Variants in KPNA4 observed in about 807,000 individuals in gnomAD.
KPNA4 encodes the protein karyopherin subunit alpha 4, also known as importin subunit alpha-3.
A neutral mutation model predicts 71.3 loss-of-function variants in KPNA4; 13 were observed. The observed-to-expected ratio is 0.18, with a 90% CI of 0.12 to 0.29. The LOEUF (loss-of-function observed/expected upper bound fraction) is 0.29, where lower values mean the gene tolerates loss of function less well. KPNA4 is among the 10% of genes least tolerant of loss of function. KPNA4 has a pLI of 1.00. For missense variants in KPNA4, 334 were observed against 603.2 expected, an observed-to-expected ratio of 0.55 and a Z score of 4.67; for synonymous variants, 189 against 195.2, an observed-to-expected ratio of 0.97 and a Z score of 0.26.
intron 1 of KPNA4, among the ~76,000 whole-genome samples, chr3:160,548,769 C>CT (rs768147228): frequency 9.9e-5 from 15 of 152,262 alleles, no homozygotes; most frequent in Admixed American, 9.8e-4. Context: ...GTACAAGTAT[C>CT]TTAGTTCCCG....
At chr3:160,565,072 G>A (rs560123191) in intron 1 of KPNA4, 142 bp downstream of exon 1, 1 of 654,628 alleles carries the variant, frequency 1.5e-6, no homozygotes, top group East Asian at 2.9e-5. Context: ...GCTAGCAGAG[G>A]CGTCACAGAC....
intron 1 of KPNA4, among the ~76,000 whole-genome samples, chr3:160,552,802 T>C (rs1004612401): frequency 6.6e-6 from 1 of 152,002 alleles, no homozygotes; most frequent in Non-Finnish European, 1.5e-5. Context: ...ACCACTAATG[T>C]GTTAGTGGAA....
Position 160,515,539 on chromosome 3 carries a change from A to T in KPNA4, c.945T>A (p.Thr315=), listed in dbSNP as rs1386218933. Residue 315 remains threonine, a synonymous_variant, in exon 12 of 17, where the codon ACT becomes ACA. Transcript: ENST00000334256. Reference sequence around the variant, plus strand: ...TCAAAACTACTTGTGTTTGCTCATCAGTTCCAGTAACAATGTTGCCCACAG... The same window carrying T: ...TCAAAACTACTTGTGTTTGCTCATCTGTTCCAGTAACAATGTTGCCCACAG... ...LRAVGNIVTG[T]DEQTQVVLNC... is the part of the protein sequence containing the mutation. The T allele has an allele frequency of 6.2e-7, 1 of 1,613,880 alleles. No individual in the cohort carries two copies. The highest frequency in any genetic ancestry group is 8.5e-7 in the Non-Finnish European group (1 of 1,179,788).
chr3:160,507,165 C>T (rs1441540102), intron 15 of KPNA4, among the ~76,000 whole-genome samples: 1 of 151,806 alleles, frequency 6.6e-6, no homozygotes, highest in Admixed American at 6.6e-5. Context: ...AAACTATTGC[C>T]CTAAAGAATA....
rs138936734 is a variant in KPNA4, at chr3:160,546,871, A to G, written c.70-10031T>C. 2.9e-3 allele frequency among the ~76,000 whole-genome samples: 445 copies of G among 152,274 alleles called. 1 individual carries two copies. The highest frequency in any genetic ancestry group is 5.4e-3 in the Non-Finnish European group (364 of 68,024). Reference sequence around the variant, plus strand: ...GAACTGAATAAGTTACAAAACTAAAACTGAGCCCTGGTATCTACAAAACAT... The same window carrying G: ...GAACTGAATAAGTTACAAAACTAAAGCTGAGCCCTGGTATCTACAAAACAT... On this transcript the variant is annotated intron_variant, in intron 1 of 16. Transcript: ENST00000334256.
At chr3:160,518,240 G>A (rs908454391) in intron 11 of KPNA4, among the ~76,000 whole-genome samples, 28 of 151,058 alleles carry the variant, frequency 1.9e-4, no homozygotes, top group Non-Finnish European at 3.5e-4. Context: ...CCATTCTCCT[G>A]CCTCAGCCTC....
At position 160,498,204 on chromosome 3, in the gene KPNA4, T is replaced by C. The variant is rs1441537959; in HGVS notation, c.*3900A>G. 1 of 152,148 alleles carries C rather than the reference T, an allele frequency of 6.6e-6. No individual in the cohort carries two copies. Among genetic ancestry groups the C allele is most frequent in the East Asian group, 1.9e-4 (1 of 5,192 alleles). 9.4% of individuals were successfully genotyped at this position (152,148 alleles called of 1,614,324 possible). ...CTCTTATGAATCCCCTAAAACTGTATGAAAAACTACCATGTATATACACTT... is the reference window on the plus strand; with the variant it reads ...CTCTTATGAATCCCCTAAAACTGTACGAAAAACTACCATGTATATACACTT... On this transcript the variant is annotated 3_prime_UTR_variant, in exon 17 of 17. Coordinates refer to ENST00000334256, the MANE Select transcript of KPNA4 (RefSeq NM_002268.5).
At chr3:160,552,478 T>C (rs1480404880) in intron 1 of KPNA4, among the ~76,000 whole-genome samples, 5 of 152,184 alleles carry the variant, frequency 3.3e-5, no homozygotes, top group Admixed American at 1.3e-4. Flanking sequence ...GCTGACTACA[T>C]ACCAGGCTCT....
chr3:160,557,950 A>AGCCTG, intron 1 of KPNA4, among the ~76,000 whole-genome samples: 1 of 152,300 alleles, frequency 6.6e-6, no homozygotes, highest in African/African-American at 2.4e-5. Context: ...TCAAAGCAAT[A>AGCCTG]GGATTACAGG....
chr3:160,526,100 C>T lies in KPNA4; in HGVS notation c.564G>A (p.Gly188=), dbSNP rs761216224. The change falls in exon 9 of 17, where the codon GGG becomes GGA. Residue 188 remains glycine, a synonymous_variant. Coordinates refer to ENST00000334256, the MANE Select transcript of KPNA4 (RefSeq NM_002268.5). ...VWALGNIIGD[G]PQCRDYVISL... Reference sequence around the variant, plus strand: ...TTATGACATAATCTCTACACTGGGGCCCATCACCTGTAGAAAAAAAGGATT... The same window carrying T: ...TTATGACATAATCTCTACACTGGGGTCCATCACCTGTAGAAAAAAAGGATT... The T allele has an allele frequency of 6.6e-7, 1 of 1,520,028 alleles. No individual in the cohort carries two copies. The highest frequency in any genetic ancestry group is 1.4e-5 in the South Asian group (1 of 72,766). The allele number at this position is 1,520,028 out of a possible 1,614,324, so 94.2% of individuals were successfully genotyped here.
rs773680275 is a variant in KPNA4 at position 160,528,055 on chromosome 3, AT to A, written c.470-17del. 6.3e-7 allele frequency: 1 copy of A among 1,594,906 alleles called. No homozygotes were observed. Among genetic ancestry groups the A allele is most frequent in the African/African-American group, 1.3e-5 (1 of 74,534 alleles). ...GGCACAGCATCTGATGGAAGAAAAA[AT>A]AACAATACTTAAGGTTGAAGATACC... On this transcript the variant is annotated splice_polypyrimidine_tract_variant and intron_variant, in intron 7 of 16. Transcript: ENST00000334256.
chr3:160,516,068 C>T (rs1398135185), intron 11 of KPNA4, among the ~76,000 whole-genome samples: 1 of 152,218 alleles, frequency 6.6e-6, no homozygotes, highest in Non-Finnish European at 1.5e-5. Flanking sequence ...CTCACTGCAA[C>T]CTCTACCTCC....
intron 11 of KPNA4, among the ~76,000 whole-genome samples, chr3:160,520,562 A>G (rs962284425): frequency 2.6e-5 from 4 of 151,906 alleles, no homozygotes; most frequent in African/African-American, 4.8e-5. Flanking sequence ...TGTCCAGCCA[A>G]TTATATTAAT....
intron 7 of KPNA4, among the ~76,000 whole-genome samples, chr3:160,528,365 A>C (rs1332810618): frequency 1.3e-5 from 2 of 152,008 alleles, no homozygotes; most frequent in Admixed American, 1.3e-4. Context: ...TATTGAAGTA[A>C]CTTTTTTTTT....
chr3:160,530,122 G>C (rs772461560), intron 7 of KPNA4, among the ~76,000 whole-genome samples: 1 of 121,112 alleles, frequency 8.3e-6, no homozygotes, highest in Admixed American at 1.0e-4. Flanking sequence ...GCGACAGAGT[G>C]AGACTCCATC....
At position 160,502,073 on chromosome 3, in the gene KPNA4, C is replaced by T. The variant is rs1720895113; in HGVS notation, c.*31G>A. On this transcript the variant is annotated 3_prime_UTR_variant, in exon 17 of 17. Transcript: ENST00000334256. ...ACATATATATATATATATCTCAGTGCTGCATTGTACCTAACTTCCACAACA... is the reference window on the plus strand; with the variant it reads ...ACATATATATATATATATCTCAGTGTTGCATTGTACCTAACTTCCACAACA... The T allele has an allele frequency of 2.1e-6, 2 of 943,422 alleles. No individual in the cohort carries two copies. Among genetic ancestry groups the T allele is most frequent in the Non-Finnish European group, 3.3e-6 (2 of 597,342 alleles). The allele number at this position is 943,422 out of a possible 1,614,324, so 58.4% of individuals were successfully genotyped here. A position where few individuals can be genotyped will look rare whatever the true frequency, so the allele number is the denominator to read the frequency against.
At position 160,511,230 on chromosome 3, in the gene KPNA4, C is replaced by T. The variant is rs182714259; in HGVS notation, c.1138-1359G>A. Reference sequence around the variant, plus strand: ...ACACCATTCTCCTACCTCAGCCTCTCGAGTAGCTGGGACTACAGGCGCCCA... The same window carrying T: ...ACACCATTCTCCTACCTCAGCCTCTTGAGTAGCTGGGACTACAGGCGCCCA... On this transcript the variant is annotated intron_variant, in intron 13 of 16. Transcript: ENST00000334256. Among the ~76,000 whole-genome samples the T allele has an allele frequency of 1.4e-3, 211 of 151,888 alleles. 1 individual carries two copies. The highest frequency in any genetic ancestry group is 0.014 in the Admixed American group (207 of 15,246).
At chr3:160,555,379 T>G (rs1361328027) in intron 1 of KPNA4, among the ~76,000 whole-genome samples, 1 of 152,240 alleles carries the variant, frequency 6.6e-6, no homozygotes, top group East Asian at 1.9e-4. Context: ...CCGTTGCATG[T>G]GTCAGTACAA....
At position 160,558,410 on chromosome 3, in the gene KPNA4, T is replaced by C. The variant is rs548046442; in HGVS notation, c.69+6804A>G. 3.9e-5 allele frequency among the ~76,000 whole-genome samples: 6 copies of C among 152,326 alleles called. No homozygotes were observed. In the South Asian group the frequency reaches 8.3e-4, roughly 21 times the overall value. ...GTATGACTATGTAAGTTGGCAGAAA[T>C]AGTAAGAGGTTCCATTTACTCTGCA... On this transcript the variant is annotated intron_variant, in intron 1 of 16. Coordinates refer to ENST00000334256, the MANE Select transcript of KPNA4 (RefSeq NM_002268.5).
Sources: allele counts gnomAD v4.1 joint callset (sites outside exome capture counted in the v4.1 genomes callset), GRCh38; gene constraint gnomAD v4.1.1; transcripts MANE v1.5; gene names NCBI Gene and HGNC (gene_info 2026-07-23, HGNC 2026-07-21).